The following NPC1 variants were observed in gnomAD, a reference collection of about 807,000 sequenced individuals.
NPC1 encodes the protein NPC intracellular cholesterol transporter 1.
Under a neutral mutation model 140.4 loss-of-function variants are expected in NPC1, and 85 were observed. The ratio of observed to expected loss-of-function variants is 0.61; its 90% CI spans 0.51 to 0.72. The LOEUF (loss-of-function observed/expected upper bound fraction) is 0.72. NPC1 is among the 30% of genes least tolerant of loss of function. NPC1 has a pLI of 0.00. For synonymous variants in NPC1, 656 were observed against 624.8 expected (o/e 1.05, Z -0.74); for missense variants, 1,504 against 1,623.8 (o/e 0.93, Z 1.27).
At chr18:23,583,803 A>G (rs1297914097) in intron 1 of NPC1, among the ~76,000 whole-genome samples, 2 of 152,184 alleles carry the variant, frequency 1.3e-5, no homozygotes, top group Non-Finnish European at 2.9e-5. Flanking sequence ...CTCAAATTTA[A>G]AAAAATCTCA....
At chr18:23,529,109 T>A, downstream of NPC1, 2 of 1,557,226 alleles carry the variant, frequency 1.3e-6, no homozygotes, top group Non-Finnish European at 1.7e-6. Flanking sequence ...TCAGTCCTTG[T>A]GGATGAACTG....
At chr18:23,525,426 A>G (rs1210262577), downstream of NPC1, among the ~76,000 whole-genome samples, 1 of 150,702 alleles carries the variant, frequency 6.6e-6, no homozygotes, top group Non-Finnish European at 1.5e-5. Context: ...TTATTATAAT[A>G]ATAATAATAA....
downstream of NPC1, chr18:23,527,984 T>C (rs2058357044): frequency 3.4e-6 from 4 of 1,159,942 alleles, no homozygotes; most frequent in Non-Finnish European, 3.6e-6. Flanking sequence ...TGCAAAATTG[T>C]TTCCTATATA....
intron 1 of NPC1, among the ~76,000 whole-genome samples, chr18:23,577,522 A>C (rs1168021977): frequency 6.6e-6 from 1 of 152,088 alleles, no homozygotes; most frequent in African/African-American, 2.4e-5. Context: ...CTAGATATAA[A>C]GACTCTCCAC....
downstream of NPC1, among the ~76,000 whole-genome samples, chr18:23,531,080 C>A (rs548178739): frequency 1.3e-4 from 20 of 151,276 alleles, no homozygotes; most frequent in Admixed American, 6.6e-4. Flanking sequence ...CTGCAACCTC[C>A]GCTGGGTTCA....
chr18:23,586,487 TGC>T lies in NPC1; in HGVS notation c.-146_-145del. On this transcript the variant is annotated 5_prime_UTR_variant, in exon 1 of 25. Transcript: ENST00000269228. ...GCAGGCGCTGACCGCGGCAGCAGGC[TGC>T]GCGCGCCGGTCAGGAAGGAAGAAGG... is the stretch of plus-strand genomic sequence containing the variant. The T allele has an allele frequency of 7.0e-7, 1 of 1,424,812 alleles. No individual in the cohort carries two copies. Among genetic ancestry groups the T allele is most frequent in the Non-Finnish European group, 9.1e-7 (1 of 1,097,468 alleles). The allele number at this position is 1,424,812 out of a possible 1,614,324, so 88.3% of individuals were successfully genotyped here.
chr18:23,514,350 A>G (rs529156148), intron 3 of NPC1, among the ~76,000 whole-genome samples: 7 of 152,346 alleles, frequency 4.6e-5, no homozygotes, highest in East Asian at 1.9e-4. Context: ...CCCCGTCTCT[A>G]TTAAACTCCA....
At chr18:23,577,571 G>A (rs988024014) in intron 1 of NPC1, among the ~76,000 whole-genome samples, 2 of 152,208 alleles carry the variant, frequency 1.3e-5, no homozygotes, top group Non-Finnish European at 1.5e-5. Flanking sequence ...GCTTCACCTA[G>A]TGGATCCCGC....
chr18:23,527,934 C>T (rs74679965), downstream of NPC1: 947 of 1,495,956 alleles, frequency 6.3e-4, 7 homozygotes, highest in African/African-American at 0.012. Flanking sequence ...AAGGGTCCTC[C>T]TCCCCCACCC....
chr18:23,545,210 T>C, intron 11 of NPC1, 61 bp from the exon 12 acceptor site: 1 of 1,252,372 alleles, frequency 8.0e-7, no homozygotes, highest in Non-Finnish European at 1.2e-6. Flanking sequence ...AGTAAGAAAC[T>C]TCTCCCTAAC....
chr18:23,547,065 G>C (rs975104745), intron 11 of NPC1, among the ~76,000 whole-genome samples: 3 of 151,916 alleles, frequency 2.0e-5, no homozygotes, highest in African/African-American at 7.3e-5. Context: ...TGAGCCTCTC[G>C]TCTGGGCCTC....
chr18:23,559,388 A>T (rs186807494), intron 6 of NPC1, among the ~76,000 whole-genome samples: 34 of 152,332 alleles, frequency 2.2e-4, no homozygotes, highest in African/African-American at 8.2e-4. Context: ...TTTCAAAATA[A>T]AAAGTAAAAA....
chr18:23,520,086 G>A, downstream of NPC1: 1 of 732,092 alleles, frequency 1.4e-6, no homozygotes, highest in Non-Finnish European at 2.4e-6. Flanking sequence ...AGCCTGTAGG[G>A]AGGAAATGCA....
At chr18:23,557,426 G>A (rs1039480030) in intron 6 of NPC1, among the ~76,000 whole-genome samples, 1 of 152,164 alleles carries the variant, frequency 6.6e-6, no homozygotes, top group African/African-American at 2.4e-5. Flanking sequence ...TCACCTTGTG[G>A]CCCTCATTTT....
chr18:23,510,585 T>C lies in NPC1; in HGVS notation c.432-3943A>G, dbSNP rs150473000. 1.6e-3 allele frequency among the ~76,000 whole-genome samples: 240 copies of C among 151,990 alleles called. 1 individual carries two copies. The highest frequency in any genetic ancestry group is 5.5e-3 in the African/African-American group (229 of 41,412). On this transcript the variant is annotated intron_variant, in intron 3 of 3. Coordinates refer to the NPC1 transcript ENST00000591107. ...TTGCTTGAACCTGGAAGGCGGAGCT[T>C]GTAGTGAGCTGAGATGGTGCCACTG...
intron 13 of NPC1, 66 bp downstream of exon 13, chr18:23,544,278 C>G (rs2058752173): frequency 6.7e-7 from 1 of 1,485,790 alleles, no homozygotes; most frequent in Admixed American, 1.7e-5. Flanking sequence ...ATGCGGAGCC[C>G]AGGAGCCATT....
rs879753932 is a variant in NPC1 at position 23,514,557 on chromosome 18, C to CA, written c.432-7916dup. 1.8e-3 allele frequency among the ~76,000 whole-genome samples: 235 copies of CA among 133,110 alleles called. 2 individuals carry two copies. Among genetic ancestry groups the CA allele is most frequent in the South Asian group, 3.5e-3 (15 of 4,232 alleles). The allele number at this position is 133,110 out of a possible 152,430, so 87.3% of individuals were successfully genotyped here. A position where few individuals can be genotyped will look rare whatever the true frequency, so the allele number is the denominator to read the frequency against. ...GGGCAACAAGAGTGAAACTCCGTCT[C>CA]AAAAAAAAAAAAAATTTGTAATGAC... On this transcript the variant is annotated intron_variant, in intron 3 of 3. Transcript: ENST00000591107.
chr18:23,530,736 C>A, downstream of NPC1: 1 of 828,724 alleles, frequency 1.2e-6, no homozygotes, highest in Non-Finnish European at 1.9e-6. Flanking sequence ...GATAACAGCC[C>A]ACCTAGCCCT....
Position 23,554,797 on chromosome 18 carries a change from A to G in NPC1, c.1514T>C (p.Val505Ala). 6.2e-7 allele frequency: 1 copy of G among 1,614,128 alleles called. No homozygotes were observed. The highest frequency in any genetic ancestry group is 8.5e-7 in the Non-Finnish European group (1 of 1,179,994). ...AAAGTGCGTGTGGTAATCGGCATAC[A>G]CAAAGAAGTCGTCCCCTTTCTTGTG... ...LDHKKGDDFFVYADYHTHFLY... is the reference protein window; with the variant it reads ...LDHKKGDDFFAYADYHTHFLY... Residue 505 changes from valine to alanine, a missense_variant, in exon 9 of 25, where the codon GTG becomes GCG. Physicochemically the swap from Val to Ala is moderately conservative, Grantham distance 64 (BLOSUM62 0). Coordinates refer to ENST00000269228, the MANE Select transcript of NPC1 (RefSeq NM_000271.5).
Sources: gnomAD v4.1 joint callset for allele counts (sites outside exome capture counted in the v4.1 genomes callset) on GRCh38, gnomAD v4.1.1 for gene constraint, MANE v1.5 for transcripts, NCBI Gene and HGNC (gene_info 2026-07-23, HGNC 2026-07-21) for gene names.